Variants in CHRD observed in about 807,000 individuals in gnomAD.
CHRD encodes the protein chordin.
In CHRD, 69 loss-of-function variants were observed where a neutral mutation model predicts 113.7. The ratio of observed to expected loss-of-function variants is 0.61; its 90% CI spans 0.50 to 0.74. The LOEUF (loss-of-function observed/expected upper bound fraction) is 0.74, where lower values mean the gene tolerates loss of function less well. CHRD is among the 30% of genes least tolerant of loss of function. The pLI, the probability that CHRD is intolerant of heterozygous loss-of-function variation, is 0.00. For synonymous variants in CHRD, 561 were observed against 540.8 expected, an observed-to-expected ratio of 1.04 and a Z score of -0.52; for missense variants, 1,194 against 1,295.8, an observed-to-expected ratio of 0.92 and a Z score of 1.21.
rs1274733007 is a variant in CHRD at position 184,387,358 on chromosome 3, C to T, written c.2348-16C>T. On this transcript the variant is annotated splice_polypyrimidine_tract_variant and intron_variant, in intron 18 of 22. Transcript: ENST00000204604. The surrounding 1 kb of genome is among the most constrained non-coding windows in gnomAD (Gnocchi z 6.1). ...TGAGCTCATACTAATGGCTGCTGGGCCCTGTTCCCCACCAGGCTGCTATTT... is the reference window on the plus strand; with the variant it reads ...TGAGCTCATACTAATGGCTGCTGGGTCCTGTTCCCCACCAGGCTGCTATTT... The T allele has an allele frequency of 1.3e-5, 21 of 1,600,426 alleles. No individual in the cohort carries two copies. Among genetic ancestry groups the T allele is most frequent in the Non-Finnish European group, 1.7e-5 (20 of 1,173,860 alleles).
Position 184,380,542 on chromosome 3 carries a change from G to T in CHRD, c.148+76G>T. On this transcript the variant is annotated intron_variant, in intron 1 of 22. Transcript: ENST00000204604. This position sits in a 1 kb window ranked among gnomAD's most constrained non-coding sequence, Gnocchi z 6.3. ...GTCAGCGCCAGCCCGGAGGGGGCGC[G>T]GGGCGCAGGTGGCTCGGCGCGGCGG... 4 of 1,059,272 alleles carry T rather than the reference G, an allele frequency of 3.8e-6. No homozygotes were observed. Among genetic ancestry groups the T allele is most frequent in the South Asian group, 4.5e-5 (1 of 22,092 alleles). 65.6% of individuals were successfully genotyped at this position (1,059,272 alleles called of 1,614,324 possible).
In CHRD at chr3:184,387,330, T is replaced by C; in HGVS notation, c.2348-44T>C. Reference sequence around the variant, plus strand: ...CTCAAGCCTTGGTTGTGGGCCCAGCTGATGAGCTCATACTAATGGCTGCTG... The same window carrying C: ...CTCAAGCCTTGGTTGTGGGCCCAGCCGATGAGCTCATACTAATGGCTGCTG... On this transcript the variant is annotated intron_variant, in intron 18 of 22. Transcript: ENST00000204604. The surrounding 1 kb of genome is among the most constrained non-coding windows in gnomAD (Gnocchi z 6.1). The C allele has an allele frequency of 6.4e-7, 1 of 1,568,976 alleles. No homozygotes were observed. Among genetic ancestry groups the C allele is most frequent in the Non-Finnish European group, 8.6e-7 (1 of 1,156,878 alleles).
chr3:184,383,181 C>T lies in CHRD; in HGVS notation c.1213+18C>T, dbSNP rs542164182. The T allele has an allele frequency of 1.8e-5, 28 of 1,585,618 alleles. 1 individual carries two copies. The South Asian group carries it at 2.7e-4, about 15-fold the overall frequency. ...CTGCGACGGTGAGGCGGGGGGGGGG[C>T]CTGGTGCGCCGGGCATGCACAACTG... is the stretch of plus-strand genomic sequence containing the variant. On this transcript the variant is annotated intron_variant, in intron 10 of 22. Coordinates refer to ENST00000204604, the Ensembl canonical transcript of CHRD.
At position 184,387,408 on chromosome 3, in the gene CHRD, AG is replaced by A. The variant is rs1173814510; in HGVS notation, c.2383del (p.Ala795ArgfsTer14). On this transcript the variant is annotated frameshift_variant, in exon 19 of 23. Transcript: ENST00000204604. LOFTEE classifies it high-confidence loss of function. The surrounding 1 kb of genome is among the most constrained non-coding windows in gnomAD (Gnocchi z 6.1). ...TTGATGGTGACCGGAGCTGGCGGGCAGCGGGTACGCGGTGGCACCCCGTTGT... is the reference window on the plus strand; with the variant it reads ...TTGATGGTGACCGGAGCTGGCGGGCACGGGTACGCGGTGGCACCCCGTTGT... 1 of 1,612,976 alleles carries A rather than the reference AG, an allele frequency of 6.2e-7. No homozygotes were observed. Among genetic ancestry groups the A allele is most frequent in the Non-Finnish European group, 8.5e-7 (1 of 1,179,628 alleles).
chr3:184,382,553 C>T (rs542937072), intron 7 of CHRD, 23 bp downstream of exon 7: 30 of 1,613,176 alleles, frequency 1.9e-5, no homozygotes, highest in Admixed American at 1.3e-4. Flanking sequence ...GAGCCCCGGG[C>T]GTGAAGTTCT....
rs781730151 is a variant in CHRD at position 184,381,114 on chromosome 3, C to G, written c.253-121C>G. 2.6e-6 allele frequency: 3 copies of G among 1,148,844 alleles called. No homozygotes were observed. In the East Asian group the frequency reaches 7.0e-5, roughly 27 times the overall value. 71.2% of individuals were successfully genotyped at this position (1,148,844 alleles called of 1,614,324 possible). On this transcript the variant is annotated intron_variant, in intron 2 of 22. Transcript: ENST00000204604. The surrounding 1 kb of genome is among the most constrained non-coding windows in gnomAD (Gnocchi z 4.7). ...GGCCCAGAGAGATGAAGTAGCTTGT[C>G]TAGGGTCACGCAGCTTGTAAGTGGC...
chr3:184,389,386 T>C lies in CHRD; in HGVS notation c.2832T>C (p.Thr944=), dbSNP rs769698108. 12 of 1,613,646 alleles carry C rather than the reference T, an allele frequency of 7.4e-6. No individual in the cohort carries two copies. The African/African-American group carries it at 9.3e-5, about 13-fold the overall frequency. Reference sequence around the variant, plus strand: ...CTCCAGCAGCCCCAGAGACCAGAACTGATCCAGAGCTGGAGAAAGAAGCCG... The same window carrying C: ...CTCCAGCAGCCCCAGAGACCAGAACCGATCCAGAGCTGGAGAAAGAAGCCG... The change falls in exon 23 of 23, where the codon ACT becomes ACC. Residue 944 remains threonine, a synonymous_variant. Transcript: ENST00000204604.
exon 12 of CHRD, chr3:184,383,564 A>T (rs764844483): frequency 3.7e-6 from 6 of 1,613,998 alleles, no homozygotes; most frequent in Non-Finnish European, 5.1e-6. Flanking sequence ...TGGCCATGAC[A>T]CTGGAGACCA....
In CHRD at chr3:184,381,178, G is replaced by A. The variant is rs968181969; in HGVS notation, c.253-57G>A. The A allele has an allele frequency of 1.9e-6, 3 of 1,602,200 alleles. No homozygotes were observed. Among genetic ancestry groups the A allele is most frequent in the East Asian group, 2.2e-5 (1 of 44,844 alleles). On this transcript the variant is annotated intron_variant, in intron 2 of 22. Transcript: ENST00000204604. The surrounding 1 kb of genome is among the most constrained non-coding windows in gnomAD (Gnocchi z 4.7). ...TCTGCGGGACATCCTTGCCTGGGGGGGTCTCATCAGTTGGCATCTTGCACT... is the reference window on the plus strand; with the variant it reads ...TCTGCGGGACATCCTTGCCTGGGGGAGTCTCATCAGTTGGCATCTTGCACT...
chr3:184,386,384 C>A, intron 15 of CHRD, 108 bp from the exon 16 acceptor site: 1 of 1,438,658 alleles, frequency 7.0e-7, no homozygotes, highest in Non-Finnish European at 9.3e-7. Context: ...CCTCCTGGGC[C>A]ACTGCAGCGC....
chr3:184,381,576 C>T lies in CHRD; in HGVS notation c.463C>T (p.Arg155Cys), dbSNP rs192063183. ...CCCGGAGCATCGCAGTTATAGCGAC[C>T]GCGGGGAGCCAGGCGCTGAGGAGCG... The change falls in exon 4 of 23, where the codon CGC (arginine) becomes TGC (cysteine). Residue 155 changes from arginine (R) to cysteine (C), a missense_variant. Transcript: ENST00000204604. The surrounding 1 kb of genome is among the most constrained non-coding windows in gnomAD (Gnocchi z 4.7). 1.2e-6 allele frequency: 2 copies of T among 1,608,354 alleles called. No homozygotes were observed. The highest frequency in any genetic ancestry group is 1.7e-6 in the Non-Finnish European group (2 of 1,177,700).
intron 7 of CHRD, 43 bp from the exon 8 acceptor site, chr3:184,382,591 G>A (rs754350381): frequency 1.1e-5 from 18 of 1,610,842 alleles, no homozygotes; most frequent in Admixed American, 3.3e-5. Flanking sequence ...CAGGAAAGGG[G>A]GGGAGGGTTT....
exon 14 of CHRD, chr3:184,385,021 T>C: frequency 6.2e-7 from 1 of 1,613,798 alleles, no homozygotes; most frequent in Non-Finnish European, 8.5e-7. Context: ...GACCCAGCGC[T>C]GCCCGTGCCC....
At position 184,388,945 on chromosome 3, in the gene CHRD, G is replaced by C; in HGVS notation, c.2762G>C (p.Gly921Ala). 2 of 1,613,176 alleles carry C rather than the reference G, an allele frequency of 1.2e-6. No homozygotes were observed. Among genetic ancestry groups the C allele is most frequent in the South Asian group, 2.2e-5 (2 of 91,080 alleles). ...GACTGTTCACTGCCACTGTCCTGTGGCTCGGGGAAGGAGAGTCGATGCTGT... is the reference window on the plus strand; with the variant it reads ...GACTGTTCACTGCCACTGTCCTGTGCCTCGGGGAAGGAGAGTCGATGCTGT... Residue 921 changes from glycine (G) to alanine (A), a missense_variant, in exon 22 of 23, where the codon GGC becomes GCC. Physicochemically the swap from Gly to Ala is moderately conservative, Grantham distance 60. Transcript: ENST00000204604. The surrounding 1 kb of genome is among the most constrained non-coding windows in gnomAD (Gnocchi z 6.1).
In CHRD at chr3:184,380,122, C is replaced by T. The variant is rs1715022995; in HGVS notation, c.-197C>T. ...CGCTCCTCCCGGCCGCTCCTCCCGC[C>T]CCGCCCGGCCCGGCGCCGACTCTGC... On this transcript the variant is annotated 5_prime_UTR_variant, in exon 1 of 23. Coordinates refer to ENST00000204604, the Ensembl canonical transcript of CHRD. This position sits in a 1 kb window ranked among gnomAD's most constrained non-coding sequence, Gnocchi z 6.3. 6.9e-6 allele frequency: 1 copy of T among 145,006 alleles called. No individual in the cohort carries two copies. The highest frequency in any genetic ancestry group is 1.8e-4 in the South Asian group (1 of 5,418). The allele number at this position is 145,006 out of a possible 1,614,324, so 9.0% of individuals were successfully genotyped here.
chr3:184,383,547 G>T lies in CHRD; in HGVS notation c.1345G>T (p.Glu449Ter). The T allele has an allele frequency of 6.2e-7, 1 of 1,614,156 alleles. No homozygotes were observed. Among genetic ancestry groups the T allele is most frequent in the Non-Finnish European group, 8.5e-7 (1 of 1,180,020 alleles). The change falls in exon 12 of 23, where the codon GAG (glutamate) becomes TAG (stop). Residue 449 changes from glutamate (E) to a stop codon, truncating the protein, a stop_gained. Coordinates refer to ENST00000204604, the Ensembl canonical transcript of CHRD. LOFTEE classifies it high-confidence loss of function. ...GGTGCAAGTGGTAGGGACAAGCAGT[G>T]AGGTGGTGGCCATGACACTGGAGAC... is the stretch of plus-strand genomic sequence containing the variant.
Position 184,381,727 on chromosome 3 carries a change from C to T in CHRD, c.523C>T (p.Leu175=). The change falls in exon 5 of 23, where the codon CTG becomes TTG. Residue 175 remains leucine, a synonymous_variant. Transcript: ENST00000204604. This position sits in a 1 kb window ranked among gnomAD's most constrained non-coding sequence, Gnocchi z 4.7. ...TCCTCCCGTCCCAGACTTCGTGGCG[C>T]TGCTGACAGGGCCGAGGTCGCAGGC... The T allele has an allele frequency of 6.2e-7, 1 of 1,613,124 alleles. No homozygotes were observed. The highest frequency in any genetic ancestry group is 8.5e-7 in the Non-Finnish European group (1 of 1,179,944).
chr3:184,388,980 ACGGCCCAC>A lies in CHRD; in HGVS notation c.2802_2809del (p.His935AlafsTer8). 1 of 1,611,046 alleles carries A rather than the reference ACGGCCCAC, an allele frequency of 6.2e-7. No homozygotes were observed. Among genetic ancestry groups the A allele is most frequent in the South Asian group, 1.1e-5 (1 of 91,048 alleles). On this transcript the variant is annotated frameshift_variant, in exon 22 of 23. Coordinates refer to ENST00000204604, the Ensembl canonical transcript of CHRD. LOFTEE classifies it high-confidence loss of function. This position sits in a 1 kb window ranked among gnomAD's most constrained non-coding sequence, Gnocchi z 6.1. ...GGAGAGTCGATGCTGTTCCCGCTGC[ACGGCCCAC>A]CGGCGGCGTAAGTGAGGGAGTCCAG...
chr3:184,381,551 C>T lies in CHRD; in HGVS notation c.438C>T (p.Asp146=). 1 of 1,608,642 alleles carries T rather than the reference C, an allele frequency of 6.2e-7. No individual in the cohort carries two copies. Among genetic ancestry groups the T allele is most frequent in the Non-Finnish European group, 8.5e-7 (1 of 1,178,116 alleles). Residue 146 remains aspartate, a synonymous_variant, in exon 4 of 23, where the codon GAC becomes GAT. Transcript: ENST00000204604. This position sits in a 1 kb window ranked among gnomAD's most constrained non-coding sequence, Gnocchi z 4.7. ...GCCTGTCCTTCGAGTATCCGCGGGA[C>T]CCGGAGCATCGCAGTTATAGCGACC...
Sources: allele counts gnomAD v4.1 joint callset, GRCh38; gene constraint gnomAD v4.1.1; non-coding constraint Gnocchi (gnomAD v3.1); transcripts MANE v1.5; gene names NCBI Gene and HGNC (gene_info 2026-07-23, HGNC 2026-07-21).